Variants in SULT4A1 observed in about 807,000 individuals in gnomAD.
SULT4A1 encodes the protein sulfotransferase 4A1.
Under a neutral mutation model 35.2 loss-of-function variants are expected in SULT4A1, and 11 were observed. The ratio of observed to expected loss-of-function variants is 0.31; its 90% CI spans 0.20 to 0.52. The LOEUF (loss-of-function observed/expected upper bound fraction) is 0.52. Ranked by LOEUF, SULT4A1 falls within the 20% of genes least tolerant of loss-of-function variation. The pLI is 0.97. For synonymous variants in SULT4A1, 152 were observed against 151.8 expected (o/e 1.00, Z -0.01); for missense variants, 271 against 383.7 (o/e 0.71, Z 2.45).
intron 1 of SULT4A1, among the ~76,000 whole-genome samples, chr22:43,852,753 G>C (rs1050056683): frequency 6.6e-6 from 1 of 150,514 alleles, no homozygotes; most frequent in Non-Finnish European, 1.5e-5. Flanking sequence ...TAGAGTTCCT[G>C]GTCACCCGGC....
chr22:43,854,379 CCCG>C (rs1380745949), intron 1 of SULT4A1, among the ~76,000 whole-genome samples: 6 of 152,330 alleles, frequency 3.9e-5, no homozygotes, highest in East Asian at 1.9e-4. Flanking sequence ...CACAGCTGCC[CCCG>C]CCAAGCCCAG....
intron 1 of SULT4A1, among the ~76,000 whole-genome samples, chr22:43,853,752 CGGGTATACAACCCTGAGGCT>C (rs2049370029): frequency 6.6e-6 from 1 of 152,234 alleles, no homozygotes; most frequent in Non-Finnish European, 1.5e-5. Flanking sequence ...TCTTCTGTTC[CGGGTATACAACCCTGAGGCT>C]GCCAAGAGGC....
At chr22:43,828,256 C>CT (rs1298196594) in intron 6 of SULT4A1, among the ~76,000 whole-genome samples, 2 of 152,246 alleles carry the variant, frequency 1.3e-5, no homozygotes, top group Non-Finnish European at 2.9e-5. Context: ...CAGGTTCATA[C>CT]TTACCAACAG....
intron 1 of SULT4A1, among the ~76,000 whole-genome samples, chr22:43,847,986 C>T (rs2063487374): frequency 1.3e-5 from 2 of 152,206 alleles, no homozygotes; most frequent in South Asian, 4.1e-4. Context: ...TTTCTGGAGA[C>T]TGAGGGAGAA....
At chr22:43,828,023 C>T (rs2063300129) in intron 6 of SULT4A1, among the ~76,000 whole-genome samples, 1 of 152,178 alleles carries the variant, frequency 6.6e-6, no homozygotes, top group Non-Finnish European at 1.5e-5. Flanking sequence ...GTGATCAGCC[C>T]CTTTTCAGAG....
chr22:43,855,725 T>C lies in SULT4A1; in HGVS notation c.169+6489A>G, dbSNP rs573049679. Among the ~76,000 whole-genome samples the C allele has an allele frequency of 2.6e-5, 4 of 152,152 alleles. No homozygotes were observed. The South Asian group carries it at 8.3e-4, about 32-fold the overall frequency. On this transcript the variant is annotated intron_variant, in intron 1 of 6. Transcript: ENST00000330884. Reference sequence around the variant, plus strand: ...AGCTACAGACATGCCCACCACCTGATCTAGTGGTCGGAGATCAGGAGGGAC... The same window carrying C: ...AGCTACAGACATGCCCACCACCTGACCTAGTGGTCGGAGATCAGGAGGGAC...
intron 1 of SULT4A1, among the ~76,000 whole-genome samples, chr22:43,858,181 A>T (rs942331111): frequency 5.3e-5 from 8 of 152,016 alleles, no homozygotes; most frequent in African/African-American, 1.9e-4. Context: ...ATGGCCAGCC[A>T]TGGTGGCTCA....
intron 5 of SULT4A1, among the ~76,000 whole-genome samples, chr22:43,829,646 G>C (rs1188309183): frequency 6.6e-6 from 1 of 152,224 alleles, no homozygotes; most frequent in Non-Finnish European, 1.5e-5. Flanking sequence ...TGGGCAGGGA[G>C]CCCGCTTCAT....
At chr22:43,835,331 G>A (rs2063361926) in intron 4 of SULT4A1, among the ~76,000 whole-genome samples, 2 of 152,196 alleles carry the variant, frequency 1.3e-5, no homozygotes, top group East Asian at 3.9e-4. Flanking sequence ...TTCTTCCACG[G>A]GGACCTCCAT....
chr22:43,862,453 G>GC lies in SULT4A1; in HGVS notation c.-72dup. On this transcript the variant is annotated 5_prime_UTR_variant, in exon 1 of 7. Transcript: ENST00000330884. ...CGCACGCGCCCGCGCCCGCGCCCGC[G>GC]CCCGCGCCCCGCACACGCTCGCGCC... is the stretch of plus-strand genomic sequence containing the variant. 1 of 959,970 alleles carries GC rather than the reference G, an allele frequency of 1.0e-6. No individual in the cohort carries two copies. The highest frequency in any genetic ancestry group is 1.8e-5 in the African/African-American group (1 of 55,450). The allele number at this position is 959,970 out of a possible 1,614,324, so 59.5% of individuals were successfully genotyped here. A position where few individuals can be genotyped will look rare whatever the true frequency, so the allele number is the denominator to read the frequency against.
At chr22:43,853,694 C>G (rs988896855) in intron 1 of SULT4A1, among the ~76,000 whole-genome samples, 1 of 152,240 alleles carries the variant, frequency 6.6e-6, no homozygotes, top group African/African-American at 2.4e-5. Flanking sequence ...AGTCACCGCT[C>G]CTCTGGGCCT....
chr22:43,858,068 G>GGAAA (rs910706990), intron 1 of SULT4A1, among the ~76,000 whole-genome samples: 3 of 110,940 alleles, frequency 2.7e-5, no homozygotes, highest in Non-Finnish European at 5.7e-5. Flanking sequence ...AAAAAAAAAA[G>GGAAA]GAAAGAAAGA....
chr22:43,826,384 C>T, intron 6 of SULT4A1: 1 of 985,356 alleles, frequency 1.0e-6, no homozygotes, highest in Non-Finnish European at 1.2e-6. Context: ...GGTGCCATTC[C>T]ACACCCCCCG....
At chr22:43,828,555 T>G (rs984995581) in intron 6 of SULT4A1, among the ~76,000 whole-genome samples, 7 of 152,246 alleles carry the variant, frequency 4.6e-5, no homozygotes, top group Non-Finnish European at 8.8e-5. Context: ...CTGTGCTGCC[T>G]GCACCCAGAA....
intron 1 of SULT4A1, among the ~76,000 whole-genome samples, chr22:43,846,246 C>T (rs2063476335): frequency 1.3e-5 from 2 of 152,240 alleles, no homozygotes; most frequent in South Asian, 2.1e-4. Flanking sequence ...TGCTCAGATG[C>T]CGCTCAGTCA....
intron 6 of SULT4A1, chr22:43,827,706 C>T: frequency 7.8e-7 from 1 of 1,274,548 alleles, no homozygotes. Flanking sequence ...TAAAGCAAAC[C>T]CAAGGGAAGG....
rs1456527697 is a variant in SULT4A1, at chr22:43,826,024, G to A, written c.832C>T (p.Leu278Phe). 4 of 1,613,974 alleles carry A rather than the reference G, an allele frequency of 2.5e-6. No homozygotes were observed. The highest frequency in any genetic ancestry group is 2.2e-5 in the East Asian group (1 of 44,884). ...TATTATAAATAAAAGTCAAACGTGA[G>A]GTCACACTTTCCCATCTTCTGTTTA... ...VYKQKMGKCD[L>F]TFDFYL is the part of the protein sequence containing the mutation. The change falls in exon 7 of 7, where the codon CTC (leucine) becomes TTC (phenylalanine). Residue 278 changes from leucine to phenylalanine, a missense_variant. Physicochemically the swap from Leu to Phe is conservative, Grantham distance 22. Around this residue, in one of 3 missense-constraint regions of SULT4A1, gnomAD observed 32 missense variants for 61.9 expected, o/e 0.52. Coordinates refer to ENST00000330884, the MANE Select transcript of SULT4A1 (RefSeq NM_014351.4).
intron 1 of SULT4A1, among the ~76,000 whole-genome samples, chr22:43,861,416 G>A (rs1372437404): frequency 6.6e-6 from 1 of 152,120 alleles, no homozygotes; most frequent in Non-Finnish European, 1.5e-5. Context: ...CCTCAGATGG[G>A]GTACTATACA....
intron 5 of SULT4A1, 53 bp from the exon 6 acceptor site, chr22:43,829,251 C>G: frequency 6.8e-7 from 1 of 1,471,078 alleles, no homozygotes; most frequent in Non-Finnish European, 9.1e-7. Context: ...GGGCCTTTTA[C>G]TGGACACGAC....
Sources: allele counts gnomAD v4.1 joint callset (sites outside exome capture counted in the v4.1 genomes callset), GRCh38; gene constraint gnomAD v4.1.1; regional missense constraint gnomAD v4.1.1; transcripts MANE v1.5; gene names NCBI Gene and HGNC (gene_info 2026-07-23, HGNC 2026-07-21).